The following SRRM4 variants were observed in gnomAD, a reference collection of about 807,000 sequenced individuals.
The protein encoded by SRRM4 is serine/arginine repetitive matrix protein 4.
A neutral mutation model predicts 68.9 loss-of-function variants in SRRM4; 33 were observed. The observed-to-expected ratio is 0.48, with a 90% CI of 0.36 to 0.64. SRRM4 has a LOEUF of 0.64. SRRM4 is among the 30% of genes least tolerant of loss of function. The probability of loss-of-function intolerance (pLI) is 0.00; values close to 1 mark genes in which losing one functional copy is unlikely to be tolerated. For missense variants in SRRM4, 817 were observed against 827.1 expected (o/e 0.99, Z 0.15); for synonymous variants, 318 against 318.8 (o/e 1.00, Z 0.03).
chr12:119,056,487 C>A (rs900270014), intron 1 of SRRM4, among the ~76,000 whole-genome samples: 2 of 152,214 alleles, frequency 1.3e-5, no homozygotes, highest in African/African-American at 2.4e-5. Flanking sequence ...TTCTGTCTCA[C>A]TTGGAATCTC....
At chr12:118,984,038 A>C (rs1277435644) in intron 1 of SRRM4, among the ~76,000 whole-genome samples, 2 of 151,840 alleles carry the variant, frequency 1.3e-5, no homozygotes, top group Non-Finnish European at 2.9e-5. Context: ...ATCCTGTGTA[A>C]TACTTCTGTA....
intron 4 of SRRM4, among the ~76,000 whole-genome samples, chr12:119,118,889 G>T (rs1954199673): frequency 6.6e-6 from 1 of 152,098 alleles, no homozygotes; most frequent in Admixed American, 6.5e-5. Context: ...TCATATGAGG[G>T]AGATGATTAG....
chr12:119,015,572 T>A (rs189459784), intron 1 of SRRM4, among the ~76,000 whole-genome samples: 1 of 152,312 alleles, frequency 6.6e-6, no homozygotes, highest in Admixed American at 6.5e-5. Context: ...TTCTTAACTT[T>A]GTATTTTGAA....
intron 4 of SRRM4, among the ~76,000 whole-genome samples, chr12:119,118,199 G>T (rs905639907): frequency 1.3e-5 from 2 of 152,206 alleles, no homozygotes; most frequent in African/African-American, 4.8e-5. Flanking sequence ...GGCCCCTGGA[G>T]GCAGGAAGTT....
At chr12:119,120,115 T>G (rs1954209630) in intron 4 of SRRM4, 135 bp from the exon 5 acceptor site, 4 of 596,146 alleles carry the variant, frequency 6.7e-6, no homozygotes, top group Non-Finnish European at 2.9e-6. Context: ...CTCCCTTCCT[T>G]CACCATCCCT....
chr12:119,153,715 C>T, intron 11 of SRRM4, 66 bp downstream of exon 11: 1 of 1,183,810 alleles, frequency 8.4e-7, no homozygotes, highest in Non-Finnish European at 1.2e-6. Context: ...ATCCTCCTCT[C>T]TGGCCCCGCC....
intron 1 of SRRM4, among the ~76,000 whole-genome samples, chr12:118,982,673 T>TAA (rs1953256081): frequency 1.3e-5 from 1 of 78,144 alleles, no homozygotes; most frequent in African/African-American, 5.4e-5. Context: ...TATTTTGTTT[T>TAA]TTTTTGTTTT....
At chr12:119,095,332 T>C (rs7295542) in intron 1 of SRRM4, among the ~76,000 whole-genome samples, 12,018 of 152,194 alleles carry the variant, frequency 0.079, 531 homozygotes, top group African/African-American at 0.1. Context: ...CATTCTCTAT[T>C]GAAACAGGCA....
intron 9 of SRRM4, among the ~76,000 whole-genome samples, chr12:119,148,506 A>G (rs1235482844): frequency 6.6e-6 from 1 of 152,238 alleles, no homozygotes; most frequent in Non-Finnish European, 1.5e-5. Flanking sequence ...GGCAGTTCAT[A>G]TTCGTTGAGC....
intron 8 of SRRM4, among the ~76,000 whole-genome samples, chr12:119,143,239 A>G (rs1261604784): frequency 1.3e-5 from 2 of 152,354 alleles, no homozygotes. Context: ...CTCATGACCA[A>G]TTGCTGAGAA....
chr12:119,034,529 A>G (rs1271788855), intron 1 of SRRM4, among the ~76,000 whole-genome samples: 1 of 152,192 alleles, frequency 6.6e-6, no homozygotes, highest in Non-Finnish European at 1.5e-5. Context: ...ATATTACTCA[A>G]ACTCACTAAT....
chr12:119,047,714 T>C (rs536601901), intron 1 of SRRM4, among the ~76,000 whole-genome samples: 2 of 152,334 alleles, frequency 1.3e-5, no homozygotes, highest in South Asian at 4.1e-4. Context: ...AACGTGATGG[T>C]AGAAGTGCAA....
At chr12:119,126,666 G>A (rs1954263270) in intron 7 of SRRM4, among the ~76,000 whole-genome samples, 1 of 152,204 alleles carries the variant, frequency 6.6e-6, no homozygotes, top group Non-Finnish European at 1.5e-5. Context: ...AAGGCATCTT[G>A]TTGATGAGAA....
chr12:118,993,560 G>T (rs1953330623), intron 1 of SRRM4, among the ~76,000 whole-genome samples: 2 of 152,142 alleles, frequency 1.3e-5, no homozygotes, highest in Non-Finnish European at 2.9e-5. Flanking sequence ...AGGGGAACAG[G>T]CCCCAAACTG....
chr12:119,130,227 G>A (rs554533955), intron 7 of SRRM4, among the ~76,000 whole-genome samples: 3 of 151,534 alleles, frequency 2.0e-5, no homozygotes, highest in African/African-American at 7.3e-5. Context: ...TGGATGGATG[G>A]ATAGATGAAT....
chr12:119,044,601 C>T, intron 1 of SRRM4, among the ~76,000 whole-genome samples: 1 of 152,036 alleles, frequency 6.6e-6, no homozygotes, highest in East Asian at 1.9e-4. Flanking sequence ...ACAGACCCAG[C>T]TGTGTAGACT....
chr12:119,090,098 C>T (rs554360475), intron 1 of SRRM4, among the ~76,000 whole-genome samples: 6 of 152,178 alleles, frequency 3.9e-5, no homozygotes, highest in East Asian at 1.9e-4. Flanking sequence ...AACTAGGAGA[C>T]CCTGGAAGCT....
intron 1 of SRRM4, among the ~76,000 whole-genome samples, chr12:119,004,316 G>C (rs905677235): frequency 6.6e-6 from 1 of 151,926 alleles, no homozygotes; most frequent in South Asian, 2.1e-4. Context: ...CTTGCGTCCT[G>C]TGGGATATTT....
chr12:119,029,693 C>G (rs1393299023), intron 1 of SRRM4, among the ~76,000 whole-genome samples: 1 of 152,188 alleles, frequency 6.6e-6, no homozygotes, highest in Non-Finnish European at 1.5e-5. Flanking sequence ...CACCAACTCA[C>G]TCTTCTCCTA....
Sources: allele counts gnomAD v4.1 joint callset (sites outside exome capture counted in the v4.1 genomes callset), GRCh38; gene constraint gnomAD v4.1.1; transcripts MANE v1.5; gene names NCBI Gene and HGNC (gene_info 2026-07-23, HGNC 2026-07-21).